The following PTPRD variants were observed in gnomAD, a reference collection of about 807,000 sequenced individuals.
PTPRD encodes the protein protein tyrosine phosphatase receptor type D.
PTPRD carries 34 observed loss-of-function variants against 214.5 expected under a neutral mutation model. The ratio of observed to expected loss-of-function variants is 0.16; its 90% confidence interval spans 0.12 to 0.21. PTPRD has a LOEUF of 0.21. PTPRD is among the 10% of genes least tolerant of loss of function. PTPRD has a pLI of 1.00. For missense variants in PTPRD, 2,545 were observed against 2,398.7 expected (o/e 1.06, Z -1.27); for synonymous variants, 1,128 against 845.7 (o/e 1.33, Z -5.79).
chr9:9,060,973 G>C (rs2099706151), intron 10 of PTPRD, among the ~76,000 whole-genome samples: 1 of 152,120 alleles, frequency 6.6e-6, no homozygotes, highest in African/African-American at 2.4e-5. Context: ...CTCACAATCA[G>C]AATGCTTAAT....
intron 2 of PTPRD, among the ~76,000 whole-genome samples, chr9:10,503,832 G>A (rs2044747282): frequency 6.6e-6 from 1 of 151,676 alleles, no homozygotes; most frequent in Non-Finnish European, 1.5e-5. Context: ...AAAGATATAC[G>A]AAGGCTGGGC....
chr9:8,456,223 C>A (rs2096196018), intron 33 of PTPRD, among the ~76,000 whole-genome samples: 1 of 151,976 alleles, frequency 6.6e-6, no homozygotes, highest in Non-Finnish European at 1.5e-5. Context: ...GGCAAAGTGC[C>A]AAGAAAAGGG....
At chr9:8,407,745 C>T (rs929807214) in intron 35 of PTPRD, among the ~76,000 whole-genome samples, 1 of 152,158 alleles carries the variant, frequency 6.6e-6, no homozygotes, top group Non-Finnish European at 1.5e-5. Flanking sequence ...CGTTTATACT[C>T]GTTTTACACG....
intron 5 of PTPRD, among the ~76,000 whole-genome samples, chr9:9,913,512 T>G (rs756410858): frequency 6.6e-6 from 1 of 152,124 alleles, no homozygotes; most frequent in Non-Finnish European, 1.5e-5. Context: ...AAGATTGGAC[T>G]GGAGTGTCGA....
chr9:8,802,371 A>G lies in PTPRD; in HGVS notation c.-103-68425T>C, dbSNP rs117287027. On this transcript the variant is annotated intron_variant, in intron 11 of 45. Transcript: ENST00000381196. ...CTTCCCTGACTCTCACGCCATTAAT[A>G]CGCTTCATATGCTATCCAGCCACAC... Among the ~76,000 whole-genome samples, 820 of 152,276 alleles carry G rather than the reference A, an allele frequency of 5.4e-3. 9 individuals are homozygous for G. The highest frequency in any genetic ancestry group is 0.031 in the Admixed American group (481 of 15,284).
intron 5 of PTPRD, among the ~76,000 whole-genome samples, chr9:9,873,262 C>A (rs1285060098): frequency 6.6e-6 from 1 of 152,100 alleles, no homozygotes; most frequent in African/African-American, 2.4e-5. Context: ...TAAAGGTTTT[C>A]TTTTGAGCTC....
chr9:8,922,363 CCAAATATCT>C (rs2098833618), intron 11 of PTPRD, among the ~76,000 whole-genome samples: 2 of 151,820 alleles, frequency 1.3e-5, no homozygotes, highest in South Asian at 4.2e-4. Context: ...ATTTTTTATG[CCAAATATCT>C]ACACATGCAC....
chr9:8,364,452 T>C (rs1268375360), intron 39 of PTPRD, among the ~76,000 whole-genome samples: 1 of 152,228 alleles, frequency 6.6e-6, no homozygotes, highest in African/African-American at 2.4e-5. Context: ...CTGCTGCAGC[T>C]GGCTGGAGCC....
chr9:8,742,086 A>T (rs967613119), intron 11 of PTPRD, among the ~76,000 whole-genome samples: 1 of 152,160 alleles, frequency 6.6e-6, no homozygotes, highest in Admixed American at 6.5e-5. Context: ...TTTCACTTTT[A>T]ATAACCTATA....
chr9:9,040,298 A>G (rs1329083245), intron 10 of PTPRD, among the ~76,000 whole-genome samples: 2 of 152,184 alleles, frequency 1.3e-5, no homozygotes, highest in African/African-American at 2.4e-5. Flanking sequence ...TTTTCACATG[A>G]CATATACTGC....
intron 4 of PTPRD, among the ~76,000 whole-genome samples, chr9:9,960,562 T>C (rs574943134): frequency 6.6e-6 from 1 of 152,126 alleles, no homozygotes; most frequent in Non-Finnish European, 1.5e-5. Flanking sequence ...CATGATAGCA[T>C]GTACTTTTGA....
At chr9:10,433,454 T>C (rs578059053) in intron 2 of PTPRD, among the ~76,000 whole-genome samples, 1 of 152,104 alleles carries the variant, frequency 6.6e-6, no homozygotes, top group East Asian at 1.9e-4. Context: ...TCCTCATTGC[T>C]CAATTTCTGA....
intron 14 of PTPRD, among the ~76,000 whole-genome samples, chr9:8,615,832 C>A (rs998839330): frequency 2.6e-5 from 4 of 151,994 alleles, no homozygotes; most frequent in Non-Finnish European, 5.9e-5. Context: ...TTCTTGCATT[C>A]TAAAGAGATT....
At chr9:9,447,637 G>A (rs545436166) in intron 8 of PTPRD, among the ~76,000 whole-genome samples, 4 of 152,102 alleles carry the variant, frequency 2.6e-5, no homozygotes, top group African/African-American at 9.6e-5. Context: ...TTACCTGTAT[G>A]AGAAACCTGC....
intron 5 of PTPRD, among the ~76,000 whole-genome samples, chr9:9,851,310 G>A (rs2060500243): frequency 6.6e-6 from 1 of 152,172 alleles, no homozygotes; most frequent in Admixed American, 6.5e-5. Flanking sequence ...CAAAGTTTAA[G>A]GTGAACTGCT....
intron 2 of PTPRD, among the ~76,000 whole-genome samples, chr9:10,518,226 A>G (rs937535283): frequency 1.3e-5 from 2 of 152,152 alleles, no homozygotes; most frequent in African/African-American, 4.8e-5. Context: ...TGTTTTTTTA[A>G]ATGGTTCAAT....
At chr9:9,895,236 T>C (rs2074615992) in intron 5 of PTPRD, among the ~76,000 whole-genome samples, 1 of 152,038 alleles carries the variant, frequency 6.6e-6, no homozygotes, top group Non-Finnish European at 1.5e-5. Flanking sequence ...AAACCAGGAA[T>C]TCTGTTTGTT....
intron 2 of PTPRD, among the ~76,000 whole-genome samples, chr9:10,508,145 A>T (rs890101934): frequency 8.5e-5 from 13 of 152,356 alleles, no homozygotes; most frequent in African/African-American, 2.9e-4. Context: ...GGATATGAAC[A>T]GACACTTCTC....
chr9:9,316,378 C>A (rs1206989524), intron 9 of PTPRD, among the ~76,000 whole-genome samples: 2 of 151,972 alleles, frequency 1.3e-5, no homozygotes, highest in African/African-American at 4.8e-5. Context: ...TAAAACTCTG[C>A]TATTAGAAAA....
Sources: allele counts gnomAD v4.1 joint callset (sites outside exome capture counted in the v4.1 genomes callset), GRCh38; gene constraint gnomAD v4.1.1; transcripts MANE v1.5; gene names NCBI Gene and HGNC (gene_info 2026-07-23, HGNC 2026-07-21).